The following EFHB variants were observed in gnomAD, a reference collection of about 807,000 sequenced individuals.
The protein encoded by EFHB is EF-hand domain-containing family member B.
Under a neutral mutation model 87.2 loss-of-function variants are expected in EFHB, and 91 were observed. That is an observed-to-expected ratio of 1.04 (90% confidence interval 0.88 to 1.24). The LOEUF (loss-of-function observed/expected upper bound fraction) is 1.24. Among genes scored for constraint, EFHB ranks in the 50% most tolerant of loss-of-function variants. The pLI is 0.00. For missense variants in EFHB, 1,084 were observed against 998.8 expected (o/e 1.09, Z -1.15); for synonymous variants, 325 against 333.6 (o/e 0.97, Z 0.28).
In EFHB at chr3:19,939,400, T is replaced by TG. The variant is rs57389310; in HGVS notation, c.-31-3067dup. 1.7e-3 allele frequency among the ~76,000 whole-genome samples: 186 copies of TG among 111,448 alleles called. 2 individuals are homozygous for TG. The highest frequency in any genetic ancestry group is 6.3e-3 in the African/African-American group (183 of 29,142). The allele number at this position is 111,448 out of a possible 152,430, so 73.1% of individuals were successfully genotyped here. On this transcript the variant is annotated intron_variant, in intron 1 of 14. Transcript: ENST00000344838. ...TTTTTTTTTTTTTTTTTTTTTTTTT[T>TG]GGGATGGAGTCTCACTCTGTCGCGC...
Position 19,919,880 on chromosome 3 carries a change from T to G in EFHB, c.949A>C (p.Ile317Leu), listed in dbSNP as rs372421211. 3.4e-5 allele frequency: 55 copies of G among 1,613,580 alleles called. No homozygotes were observed. Among genetic ancestry groups the G allele is most frequent in the Admixed American group, 1.3e-4 (8 of 60,006 alleles). Residue 317 changes from isoleucine to leucine, a missense_variant, in exon 3 of 13, where the codon ATT becomes CTT. Ile to Leu is a conservative substitution (Grantham distance 5, BLOSUM62 2). Transcript: ENST00000295824. ...ATTCCATGTGTCAAATAAGGTGCAATCTGGGGATCATTTGCTCTTCCGTAA... is the reference window on the plus strand; with the variant it reads ...ATTCCATGTGTCAAATAAGGTGCAAGCTGGGGATCATTTGCTCTTCCGTAA... ...VFYGRANDPQ[I>L]APYLTHGIRS... is the part of the protein sequence containing the mutation.
At chr3:19,901,094 C>T (rs1225284242) in intron 6 of EFHB, among the ~76,000 whole-genome samples, 2 of 151,900 alleles carry the variant, frequency 1.3e-5, no homozygotes, top group Non-Finnish European at 2.9e-5. Context: ...GCATATACAG[C>T]AATATATAAT....
intron 5 of EFHB, among the ~76,000 whole-genome samples, chr3:19,908,578 G>GAGAA (rs1559459534): frequency 2.0e-4 from 17 of 84,802 alleles, no homozygotes; most frequent in South Asian, 7.3e-4. Context: ...GAGAGAGAGA[G>GAGAA]AGAGAGAGAG....
upstream of EFHB, among the ~76,000 whole-genome samples, chr3:19,935,080 T>G (rs1234434161): frequency 6.6e-6 from 1 of 152,074 alleles, no homozygotes; most frequent in African/African-American, 2.4e-5. Context: ...TAGGCTAATT[T>G]TTGTATCTTG....
At chr3:19,879,842 G>A in intron 12 of EFHB, 38 bp from the exon 13 acceptor site, 1 of 1,508,502 alleles carries the variant, frequency 6.6e-7, no homozygotes, top group Non-Finnish European at 8.9e-7. Flanking sequence ...TGATTTATAT[G>A]TTTTAAAACT....
At chr3:19,921,009 G>A (rs1695419106) in intron 1 of EFHB, among the ~76,000 whole-genome samples, 1 of 152,096 alleles carries the variant, frequency 6.6e-6, no homozygotes, top group Admixed American at 6.6e-5. Flanking sequence ...TCACATCACT[G>A]TACTCCATCC....
intron 1 of EFHB, among the ~76,000 whole-genome samples, chr3:19,946,713 C>T (rs1376261543): frequency 6.6e-6 from 1 of 152,128 alleles, no homozygotes; most frequent in African/African-American, 2.4e-5. Flanking sequence ...CTAATAAAGC[C>T]CCTTAGCCGA....
At chr3:19,916,546 T>TAA (rs1375210475) in intron 4 of EFHB, among the ~76,000 whole-genome samples, 8 of 151,996 alleles carry the variant, frequency 5.3e-5, no homozygotes, top group South Asian at 2.1e-4. Flanking sequence ...ATTAATTAAT[T>TAA]TAAAAAATGA....
chr3:19,917,430 A>G (rs1445844871), intron 4 of EFHB, among the ~76,000 whole-genome samples: 5 of 152,152 alleles, frequency 3.3e-5, no homozygotes, highest in Admixed American at 3.3e-4. Context: ...AAATAATCTA[A>G]TGAGCCTTTC....
chr3:19,937,952 A>G (rs1294732555), upstream of EFHB, among the ~76,000 whole-genome samples: 2 of 152,090 alleles, frequency 1.3e-5, no homozygotes, highest in Non-Finnish European at 2.9e-5. Flanking sequence ...CCCTTGACTC[A>G]ACTCCTCTCT....
At chr3:19,905,288 T>A (rs1694803291) in intron 6 of EFHB, among the ~76,000 whole-genome samples, 1 of 152,140 alleles carries the variant, frequency 6.6e-6, no homozygotes, top group African/African-American at 2.4e-5. Flanking sequence ...CAATTACAAT[T>A]GTCTTGGTAG....
At chr3:19,908,598 G>GAGAGAGAGAGAAAGAA (rs1694937855) in intron 5 of EFHB, among the ~76,000 whole-genome samples, 1 of 77,794 alleles carries the variant, frequency 1.3e-5, no homozygotes, top group African/African-American at 5.0e-5. Flanking sequence ...GAGAGAGAGA[G>GAGAGAGAGAGAAAGAA]AGAAAGAAAG....
intron 5 of EFHB, among the ~76,000 whole-genome samples, chr3:19,914,334 C>A (rs1464069411): frequency 2.0e-5 from 3 of 152,116 alleles, no homozygotes; most frequent in African/African-American, 7.2e-5. Flanking sequence ...GTTTATAAAC[C>A]ATGCACAATC....
chr3:19,890,057 C>T (rs529564149), intron 9 of EFHB, among the ~76,000 whole-genome samples: 6 of 152,188 alleles, frequency 3.9e-5, no homozygotes, highest in Admixed American at 2.0e-4. Flanking sequence ...AAAAGCAATG[C>T]GGGATGTGGC....
At chr3:19,906,698 GAA>G (rs35283272) in intron 5 of EFHB, among the ~76,000 whole-genome samples, 87 of 149,362 alleles carry the variant, frequency 5.8e-4, no homozygotes, top group South Asian at 2.7e-3. Flanking sequence ...CACAGAAATA[GAA>G]AAAAAAAAAT....
At chr3:19,946,029 G>T (rs1289246557) in intron 1 of EFHB, 1 of 152,220 alleles carries the variant, frequency 6.6e-6, no homozygotes, top group Non-Finnish European at 1.5e-5. Context: ...GGTGGTGGCT[G>T]AAGCCTCGCC....
chr3:19,905,789 C>A, intron 5 of EFHB, 40 bp from the exon 6 acceptor site: 1 of 1,563,002 alleles, frequency 6.4e-7, no homozygotes, highest in Non-Finnish European at 8.7e-7. Context: ...TTAAGCAACA[C>A]GAATAACCTT....
chr3:19,908,598 G>GAGAGAGAAAGAAAGAA (rs1694937855), intron 5 of EFHB, among the ~76,000 whole-genome samples: 4 of 77,854 alleles, frequency 5.1e-5, no homozygotes, highest in Admixed American at 3.1e-4. Context: ...GAGAGAGAGA[G>GAGAGAGAAAGAAAGAA]AGAAAGAAAG....
intron 1 of EFHB, among the ~76,000 whole-genome samples, chr3:19,932,078 T>C (rs1386896228): frequency 1.3e-5 from 2 of 152,208 alleles, no homozygotes; most frequent in Non-Finnish European, 2.9e-5. Context: ...CAGAAACTCC[T>C]GAGTCATCCA....
Sources: allele counts gnomAD v4.1 joint callset (sites outside exome capture counted in the v4.1 genomes callset), GRCh38; gene constraint gnomAD v4.1.1; transcripts MANE v1.5; gene names NCBI Gene and HGNC (gene_info 2026-07-23, HGNC 2026-07-21).